NRXN3: variants seen among roughly 807,000 people sequenced by gnomAD.
NRXN3 encodes the protein neurexin 3.
Under a neutral mutation model 137.6 loss-of-function variants are expected in NRXN3, and 32 were observed. The ratio of observed to expected loss-of-function variants is 0.23; its 90% CI spans 0.18 to 0.31. NRXN3 has a LOEUF of 0.31. NRXN3 is among the 10% of genes least tolerant of loss of function. NRXN3 has a pLI of 1.00. For synonymous variants in NRXN3, 798 were observed against 784.5 expected (o/e 1.02, Z -0.29); for missense variants, 1,574 against 2,062.5 (o/e 0.76, Z 4.59).
chr14:78,447,750 A>G (rs1038215359), intron 4 of NRXN3, among the ~76,000 whole-genome samples: 1 of 152,160 alleles, frequency 6.6e-6, no homozygotes, highest in African/African-American at 2.4e-5. Context: ...TTGAAAATGG[A>G]GTCTGTGGGT....
At chr14:79,037,341 G>C (rs1174366101) in intron 15 of NRXN3, among the ~76,000 whole-genome samples, 1 of 152,114 alleles carries the variant, frequency 6.6e-6, no homozygotes, top group African/African-American at 2.4e-5. Flanking sequence ...GTAGTTTACA[G>C]AGCACCTGTA....
intron 15 of NRXN3, among the ~76,000 whole-genome samples, chr14:79,002,170 T>C (rs931078192): frequency 6.6e-6 from 1 of 152,166 alleles, no homozygotes; most frequent in African/African-American, 2.4e-5. Flanking sequence ...CTGTGTATTC[T>C]GATTTCAAAT....
chr14:79,483,225 C>G (rs1042852132), intron 16 of NRXN3, among the ~76,000 whole-genome samples: 1 of 152,090 alleles, frequency 6.6e-6, no homozygotes, highest in Non-Finnish European at 1.5e-5. Flanking sequence ...GTGTATTTAC[C>G]TTATCATCAC....
At chr14:79,466,478 C>G (rs1490049290) in intron 15 of NRXN3, among the ~76,000 whole-genome samples, 2 of 152,032 alleles carry the variant, frequency 1.3e-5, no homozygotes, top group Non-Finnish European at 2.9e-5. Context: ...GTCCCAGCTA[C>G]TCGGGAAGCT....
chr14:78,835,441 A>G (rs2152421403), intron 10 of NRXN3, among the ~76,000 whole-genome samples: 1 of 152,228 alleles, frequency 6.6e-6, no homozygotes, highest in Admixed American at 6.5e-5. Flanking sequence ...CCACACAGGG[A>G]CATGAGATTT....
intron 15 of NRXN3, among the ~76,000 whole-genome samples, chr14:79,059,697 G>A (rs923955630): frequency 4.6e-5 from 7 of 152,098 alleles, no homozygotes; most frequent in Non-Finnish European, 1.0e-4. Context: ...TGGCTTTTCT[G>A]ACTCAAGTCA....
At chr14:79,084,801 A>C (rs1368454228) in intron 15 of NRXN3, among the ~76,000 whole-genome samples, 1 of 152,154 alleles carries the variant, frequency 6.6e-6, no homozygotes, top group African/African-American at 2.4e-5. Flanking sequence ...CAGTTGCTTC[A>C]GTGAGTTGGT....
chr14:78,617,591 A>AT (rs1432460069), intron 4 of NRXN3, among the ~76,000 whole-genome samples: 3 of 151,944 alleles, frequency 2.0e-5, no homozygotes, highest in African/African-American at 7.3e-5. Context: ...TTCCTTGTTC[A>AT]TTTGCCCTAT....
intron 4 of NRXN3, among the ~76,000 whole-genome samples, chr14:78,411,117 A>G (rs1267062251): frequency 6.6e-6 from 1 of 152,216 alleles, no homozygotes; most frequent in African/African-American, 2.4e-5. Flanking sequence ...AAGCTTGGCC[A>G]ATAGCCAACC....
chr14:79,454,777 CT>C (rs1398226715), intron 15 of NRXN3, among the ~76,000 whole-genome samples: 1 of 152,010 alleles, frequency 6.6e-6, no homozygotes, highest in Non-Finnish European at 1.5e-5. Context: ...GGAATGGCTG[CT>C]GAATTTTTTC....
chr14:79,722,489 T>C (rs1425088382), intron 19 of NRXN3, among the ~76,000 whole-genome samples: 1 of 152,156 alleles, frequency 6.6e-6, no homozygotes. Flanking sequence ...AGTTTTTCTT[T>C]TGTACCTTGT....
At chr14:79,753,163 G>A (rs949536551) in intron 19 of NRXN3, among the ~76,000 whole-genome samples, 6 of 151,842 alleles carry the variant, frequency 4.0e-5, no homozygotes, top group African/African-American at 9.7e-5. Context: ...TCAGTGTGGC[G>A]ATTCCTCAGG....
chr14:79,467,005 A>T lies in NRXN3; in HGVS notation c.3263-216A>T, dbSNP rs189416423. Reference sequence around the variant, plus strand: ...GATGTTAAGAACGACTCTTACCAACATCTGCTTTGTTATGCATTCATTCTG... The same window carrying T: ...GATGTTAAGAACGACTCTTACCAACTTCTGCTTTGTTATGCATTCATTCTG... On this transcript the variant is annotated intron_variant, in intron 15 of 20. Transcript: ENST00000335750. 3.2e-4 allele frequency among the ~76,000 whole-genome samples: 49 copies of T among 152,332 alleles called. 1 individual carries two copies. The highest frequency in any genetic ancestry group is 2.9e-3 in the Admixed American group (44 of 15,302).
intron 8 of NRXN3, among the ~76,000 whole-genome samples, chr14:78,790,599 A>C (rs1220291420): frequency 6.6e-6 from 1 of 152,056 alleles, no homozygotes; most frequent in Non-Finnish European, 1.5e-5. Context: ...GAGGGAAAGC[A>C]ATCTGGGCAT....
chr14:78,874,849 G>A (rs943966804), intron 10 of NRXN3, among the ~76,000 whole-genome samples: 2 of 152,170 alleles, frequency 1.3e-5, no homozygotes, highest in South Asian at 2.1e-4. Flanking sequence ...CCATGCAGGC[G>A]AATAATGCAA....
chr14:78,350,408 G>A (rs2083327991), intron 4 of NRXN3, among the ~76,000 whole-genome samples: 1 of 152,108 alleles, frequency 6.6e-6, no homozygotes, highest in African/African-American at 2.4e-5. Context: ...CAAATAGTAA[G>A]GGGAGGGGGA....
intron 4 of NRXN3, among the ~76,000 whole-genome samples, chr14:78,371,900 A>G: frequency 6.6e-6 from 1 of 152,222 alleles, no homozygotes. Flanking sequence ...TTGAAACCAT[A>G]GAAGACAGGC....
At chr14:79,719,251 ATGTGTGTGTG>A (rs4016617) in intron 19 of NRXN3, among the ~76,000 whole-genome samples, 26 of 149,034 alleles carry the variant, frequency 1.7e-4, no homozygotes, top group Admixed American at 8.0e-4. Flanking sequence ...ATAGACATAT[ATGTGTGTGTG>A]TGTGTGTGTG....
At position 79,347,250 on chromosome 14, in the gene NRXN3, A is replaced by T. The variant is rs1292589381; in HGVS notation, c.3263-119971A>T. The stretch of plus-strand genomic sequence containing the variant: ...GAAGGTTTTTTTTTAATTTGGAGAA[A>T]TTTTTAAAAATTAAATAAAAACTAG... On this transcript the variant is annotated intron_variant, in intron 15 of 20. Transcript: ENST00000335750. Among the ~76,000 whole-genome samples the T allele has an allele frequency of 2.0e-5, 3 of 152,076 alleles. No homozygotes were observed. In the East Asian group the frequency reaches 5.8e-4, roughly 29 times the overall value.
Sources: allele counts gnomAD v4.1 joint callset (sites outside exome capture counted in the v4.1 genomes callset), GRCh38; gene constraint gnomAD v4.1.1; transcripts MANE v1.5; gene names NCBI Gene and HGNC (gene_info 2026-07-23, HGNC 2026-07-21).